The following YAF2 variants were observed in gnomAD, a reference collection of about 807,000 sequenced individuals.
The protein encoded by YAF2 is YY1-associated factor 2.
Under a neutral mutation model 20.1 loss-of-function variants are expected in YAF2, and 7 were observed. The ratio of observed to expected loss-of-function variants is 0.35; its 90% CI spans 0.20 to 0.65. The LOEUF (loss-of-function observed/expected upper bound fraction) is 0.65. YAF2 is among the 30% of genes least tolerant of loss of function. The pLI is 0.69. For synonymous variants in YAF2, 74 were observed against 76.0 expected, an observed-to-expected ratio of 0.97 and a Z score of 0.14; for missense variants, 151 against 219.2, an observed-to-expected ratio of 0.69 and a Z score of 1.96.
intron 2 of YAF2, among the ~76,000 whole-genome samples, chr12:42,164,738 C>G (rs181684037): frequency 6.6e-6 from 1 of 151,370 alleles, no homozygotes; most frequent in African/African-American, 2.4e-5. Context: ...GGCTAACAAA[C>G]GCCCAAAAAT....
chr12:42,173,882 G>A (rs551805966), intron 2 of YAF2, among the ~76,000 whole-genome samples: 3 of 152,078 alleles, frequency 2.0e-5, no homozygotes, highest in African/African-American at 7.2e-5. Context: ...GAAGCTATTC[G>A]ATTAGAATGT....
intron 2 of YAF2, among the ~76,000 whole-genome samples, chr12:42,164,516 G>A (rs1362643107): frequency 2.0e-5 from 3 of 151,938 alleles, no homozygotes; most frequent in Middle Eastern, 3.4e-3. Context: ...TTGTCATGTT[G>A]GACAGGTAAG....
In YAF2 at chr12:42,237,638, T is replaced by C; in HGVS notation, c.113A>G (p.Lys38Arg). The C allele has an allele frequency of 6.4e-7, 1 of 1,570,232 alleles. No individual in the cohort carries two copies. The highest frequency in any genetic ancestry group is 8.6e-7 in the Non-Finnish European group (1 of 1,159,104). Reference sequence around the variant, plus strand: ...CTTCCGCACATCGCACATCATGCACTTGAAGGCCTCGGCGCTGTTCCGGAA... The same window carrying C: ...CTTCCGCACATCGCACATCATGCACCTGAAGGCCTCGGCGCTGTTCCGGAA... ...CTFRNSAEAF[K>R]CMMCDVRKGT... The change falls in exon 2 of 4, where the codon AAG becomes AGG. Residue 38 changes from lysine (K) to arginine (R), a missense_variant. Physicochemically the swap from Lys to Arg is conservative, Grantham distance 26 (BLOSUM62 2). Transcript: ENST00000534854.
chr12:42,161,788 G>T, intron 2 of YAF2, 23 bp from the exon 3 acceptor site: 1 of 1,575,326 alleles, frequency 6.3e-7, no homozygotes, highest in Non-Finnish European at 8.6e-7. Context: ...TAAAAAGAAA[G>T]GTATTTTAAA....
intron 2 of YAF2, among the ~76,000 whole-genome samples, chr12:42,213,770 T>C (rs1202168492): frequency 6.6e-6 from 1 of 152,220 alleles, no homozygotes; most frequent in Non-Finnish European, 1.5e-5. Flanking sequence ...AAGTCTTCAG[T>C]GTGTGTATAT....
chr12:42,228,060 G>T (rs1257868818), intron 2 of YAF2, among the ~76,000 whole-genome samples: 1 of 114,278 alleles, frequency 8.8e-6, no homozygotes, highest in African/African-American at 3.5e-5. Flanking sequence ...CCCCGTCTGG[G>T]AGGTGAGGGG....
chr12:42,195,490 G>T (rs2066725928), intron 2 of YAF2, among the ~76,000 whole-genome samples: 1 of 152,174 alleles, frequency 6.6e-6, no homozygotes, highest in East Asian at 1.9e-4. Context: ...AAAGTATCTT[G>T]TAAGGGACAG....
At chr12:42,227,775 C>G (rs1408789783) in intron 2 of YAF2, among the ~76,000 whole-genome samples, 1 of 140,226 alleles carries the variant, frequency 7.1e-6, no homozygotes, top group Non-Finnish European at 1.5e-5. Context: ...GCCTGGCCAG[C>G]GTGCTGTCCG....
intron 2 of YAF2, among the ~76,000 whole-genome samples, chr12:42,236,960 T>A (rs920391215): frequency 6.6e-6 from 1 of 152,212 alleles, no homozygotes; most frequent in African/African-American, 2.4e-5. Context: ...TAGGCAGAGA[T>A]CTTTTCATCT....
chr12:42,192,088 G>A (rs1158931028), intron 2 of YAF2, among the ~76,000 whole-genome samples: 5 of 151,178 alleles, frequency 3.3e-5, no homozygotes, highest in African/African-American at 4.9e-5. Context: ...AATACAAAAA[G>A]TGTTATAGAA....
intron 2 of YAF2, among the ~76,000 whole-genome samples, chr12:42,213,019 T>G (rs2067255461): frequency 6.6e-6 from 1 of 151,484 alleles, no homozygotes; most frequent in African/African-American, 2.4e-5. Flanking sequence ...AATGCAAATA[T>G]TTTATCCTAA....
chr12:42,192,177 G>A (rs1353730304), intron 2 of YAF2, among the ~76,000 whole-genome samples: 1 of 152,108 alleles, frequency 6.6e-6, no homozygotes, highest in Non-Finnish European at 1.5e-5. Flanking sequence ...GAGATAGGCA[G>A]ACCAGGCCAA....
chr12:42,237,775 C>A (rs780548997), intron 1 of YAF2, 51 bp from the exon 2 acceptor site: 3 of 1,305,910 alleles, frequency 2.3e-6, no homozygotes, highest in South Asian at 1.8e-5. Context: ...CAGCAGGCCG[C>A]GCCCGGTGCC....
chr12:42,210,279 T>C (rs1257880156), intron 2 of YAF2: 2 of 863,036 alleles, frequency 2.3e-6, no homozygotes, highest in Non-Finnish European at 3.4e-6. Context: ...TTCTTTTCAA[T>C]TAAACAAACT....
chr12:42,175,772 T>TAAAAAAAAAAAAAAAA (rs1277338221), intron 2 of YAF2, among the ~76,000 whole-genome samples: 71 of 88,808 alleles, frequency 8.0e-4, no homozygotes, highest in South Asian at 1.4e-3. Context: ...AAAAAAAAAT[T>TAAAAAAAAAAAAAAAA]AAAACAGGAA....
intron 2 of YAF2, among the ~76,000 whole-genome samples, chr12:42,211,413 CGA>C (rs1201651218): frequency 9.3e-6 from 1 of 107,330 alleles, no homozygotes; most frequent in African/African-American, 3.9e-5. Flanking sequence ...GATGACAGAG[CGA>C]GACTCTGTCT....
chr12:42,225,022 A>G (rs886289432), intron 2 of YAF2, among the ~76,000 whole-genome samples: 51 of 152,132 alleles, frequency 3.4e-4, no homozygotes, highest in Non-Finnish European at 2.2e-4. Context: ...ATTTCTCCAC[A>G]TCCTCTCCAG....
intron 2 of YAF2, among the ~76,000 whole-genome samples, chr12:42,229,209 G>C (rs1392546554): frequency 3.9e-5 from 4 of 101,788 alleles, no homozygotes; most frequent in Non-Finnish European, 7.7e-5. Flanking sequence ...GATGCTTGAA[G>C]GCAGCATGCT....
intron 2 of YAF2, among the ~76,000 whole-genome samples, chr12:42,177,436 C>CA (rs975116475): frequency 3.3e-5 from 5 of 152,212 alleles, no homozygotes; most frequent in Admixed American, 1.3e-4. Context: ...GCCATGTTCT[C>CA]ACTGTGTCCT....
Sources: gnomAD v4.1 joint callset for allele counts (sites outside exome capture counted in the v4.1 genomes callset) on GRCh38, gnomAD v4.1.1 for gene constraint, MANE v1.5 for transcripts, NCBI Gene and HGNC (gene_info 2026-07-23, HGNC 2026-07-21) for gene names.